HK2: variants seen among roughly 807,000 people sequenced by gnomAD.
The protein encoded by HK2 is hexokinase-2.
HK2 carries 42 observed loss-of-function variants against 92.9 expected under a neutral mutation model. The observed-to-expected ratio is 0.45, with a 90% CI of 0.35 to 0.58. The LOEUF is 0.58. Among genes scored for constraint, HK2 ranks in the 20% least tolerant of loss-of-function variants. The probability of loss-of-function intolerance (pLI) is 0.00; values close to 1 mark genes in which losing one functional copy is unlikely to be tolerated. For synonymous variants in HK2, 422 were observed against 468.0 expected, an observed-to-expected ratio of 0.90 and a Z score of 1.27; for missense variants, 978 against 1,245.1, an observed-to-expected ratio of 0.79 and a Z score of 3.23.
At chr2:74,880,139 G>A in intron 9 of HK2, 126 bp from the exon 10 acceptor site, 3 of 987,748 alleles carry the variant, frequency 3.0e-6, no homozygotes, top group Non-Finnish European at 4.8e-6. Flanking sequence ...AGGATGTTTA[G>A]GGCAGCACCC....
chr2:74,886,219 A>G, intron 13 of HK2, 75 bp from the exon 14 acceptor site: 1 of 1,025,780 alleles, frequency 9.7e-7, no homozygotes, highest in South Asian at 1.3e-5. Context: ...ATACCTGTAA[A>G]TCTCCCATGC....
In HK2 at chr2:74,873,985, G is replaced by A. The variant is rs201334810; in HGVS notation, c.691+42G>A. 5 of 1,470,026 alleles carry A rather than the reference G, an allele frequency of 3.4e-6. No individual in the cohort carries two copies. In the East Asian group the frequency reaches 1.1e-4, roughly 33 times the overall value. The allele number at this position is 1,470,026 out of a possible 1,614,324, so 91.1% of individuals were successfully genotyped here. ...CATGAAGGGCCCGTGCTGGCCAAGG[G>A]ATGGGGGTGTGGGCTGGAAAGGGAG... On this transcript the variant is annotated intron_variant, in intron 6 of 17. Transcript: ENST00000290573.
intron 1 of HK2, among the ~76,000 whole-genome samples, chr2:74,842,146 G>A (rs1446856933): frequency 6.6e-6 from 1 of 152,172 alleles, no homozygotes; most frequent in Non-Finnish European, 1.5e-5. Flanking sequence ...AGAGAAAGAG[G>A]GTTAACAGGT....
At chr2:74,851,116 C>T (rs1414643338) in intron 1 of HK2, among the ~76,000 whole-genome samples, 1 of 152,170 alleles carries the variant, frequency 6.6e-6, no homozygotes, top group African/African-American at 2.4e-5. Context: ...TGCCCATCCA[C>T]ACTAAGAGGG....
At chr2:74,851,383 T>C (rs1688563349) in intron 1 of HK2, among the ~76,000 whole-genome samples, 1 of 152,210 alleles carries the variant, frequency 6.6e-6, no homozygotes, top group Non-Finnish European at 1.5e-5. Context: ...TGGAAGATGG[T>C]TATCTATGGG....
chr2:74,851,149 G>C (rs954660992), intron 1 of HK2, among the ~76,000 whole-genome samples: 4 of 152,254 alleles, frequency 2.6e-5, no homozygotes, highest in African/African-American at 9.6e-5. Context: ...GGCGAGGGTG[G>C]CTGTCCTGAC....
At chr2:74,855,111 C>T (rs560501348) in intron 2 of HK2, among the ~76,000 whole-genome samples, 20 of 152,314 alleles carry the variant, frequency 1.3e-4, no homozygotes, top group African/African-American at 4.8e-4. Context: ...ATTCTCCTGC[C>T]TCACCCTCTG....
At chr2:74,840,695 G>A (rs1222403403) in intron 1 of HK2, among the ~76,000 whole-genome samples, 37 of 129,618 alleles carry the variant, frequency 2.9e-4, no homozygotes, top group South Asian at 1.0e-3. Flanking sequence ...GTGAAACCCC[G>A]TCTCTACTAA....
At chr2:74,882,704 T>C (rs1689434073) in intron 12 of HK2, among the ~76,000 whole-genome samples, 1 of 149,538 alleles carries the variant, frequency 6.7e-6, no homozygotes, top group African/African-American at 2.5e-5. Context: ...ACAGCAACCA[T>C]ATAAGAGATA....
intron 1 of HK2, among the ~76,000 whole-genome samples, chr2:74,839,221 G>A (rs1012616490): frequency 1.3e-5 from 2 of 152,154 alleles, no homozygotes; most frequent in African/African-American, 4.8e-5. Context: ...ATACTTTTCA[G>A]TTGTCTAGAG....
At chr2:74,872,707 G>A (rs1341287159) in intron 4 of HK2, among the ~76,000 whole-genome samples, 1 of 152,176 alleles carries the variant, frequency 6.6e-6, no homozygotes, top group Non-Finnish European at 1.5e-5. Context: ...AAAGTGTTAT[G>A]ATAAAGACCC....
At chr2:74,867,414 C>G (rs1688980285) in intron 2 of HK2, among the ~76,000 whole-genome samples, 1 of 151,618 alleles carries the variant, frequency 6.6e-6, no homozygotes, top group South Asian at 2.1e-4. Flanking sequence ...AAAAAACAGC[C>G]CTGTGAGTTT....
intron 1 of HK2, among the ~76,000 whole-genome samples, chr2:74,853,529 A>G (rs1688620099): frequency 1.2e-5 from 1 of 84,012 alleles, no homozygotes; most frequent in Admixed American, 9.5e-5. Flanking sequence ...AACAACAACA[A>G]CAACAACAAC....
chr2:74,842,413 C>T (rs79762707), intron 1 of HK2, among the ~76,000 whole-genome samples: 3,444 of 152,252 alleles, frequency 0.023, 57 homozygotes, highest in Non-Finnish European at 0.038. Context: ...GTTAGGTGTA[C>T]GAAATGCATT....
chr2:74,840,590 G>A (rs370429004), intron 1 of HK2, among the ~76,000 whole-genome samples: 6 of 151,762 alleles, frequency 4.0e-5, no homozygotes, highest in Non-Finnish European at 5.9e-5. Flanking sequence ...GGGTTATGCC[G>A]GGCGCGGTGG....
chr2:74,868,712 C>A (rs765095060), intron 3 of HK2, among the ~76,000 whole-genome samples: 4 of 152,060 alleles, frequency 2.6e-5, no homozygotes, highest in Non-Finnish European at 4.4e-5. Context: ...TGGGCCACAT[C>A]CCCCAGATGA....
At chr2:74,880,214 A>G (rs1157581798) in intron 9 of HK2, 51 bp from the exon 10 acceptor site, 2 of 1,600,764 alleles carry the variant, frequency 1.2e-6, no homozygotes, top group Admixed American at 3.3e-5. Flanking sequence ...TATTTGCACC[A>G]TTGACCCTAA....
intron 8 of HK2, 126 bp downstream of exon 8, chr2:74,877,447 C>A: frequency 9.3e-7 from 1 of 1,076,776 alleles, no homozygotes; most frequent in South Asian, 1.3e-5. Flanking sequence ...TCTCACATGA[C>A]GTGGACCATG....
At chr2:74,836,889 A>T (rs1174344420) in intron 1 of HK2, among the ~76,000 whole-genome samples, 1 of 152,196 alleles carries the variant, frequency 6.6e-6, no homozygotes, top group Non-Finnish European at 1.5e-5. Flanking sequence ...TCCCCTTGTG[A>T]TAAGATAATC....
Sources: allele counts gnomAD v4.1 joint callset (sites outside exome capture counted in the v4.1 genomes callset), GRCh38; gene constraint gnomAD v4.1.1; transcripts MANE v1.5; gene names NCBI Gene and HGNC (gene_info 2026-07-23, HGNC 2026-07-21).